Variants in MEGF6 observed in about 807,000 individuals in gnomAD.
MEGF6 encodes the protein multiple EGF like domains 6.
In MEGF6, 184 loss-of-function variants were observed where a neutral mutation model predicts 207.1. That is an observed-to-expected ratio of 0.89 (90% CI 0.79 to 1.00). The LOEUF is 1.00. Among genes scored for constraint, MEGF6 ranks in the 50% least tolerant of loss-of-function variants. The probability of loss-of-function intolerance (pLI) is 0.00; values close to 1 mark genes in which losing one functional copy is unlikely to be tolerated. For synonymous variants in MEGF6, 1,038 were observed against 910.0 expected (o/e 1.14, Z -2.53); for missense variants, 2,282 against 2,202.9 (o/e 1.04, Z -0.72).
intron 4 of MEGF6, among the ~76,000 whole-genome samples, chr1:3,550,961 C>T (rs974687818): frequency 2.6e-5 from 4 of 152,248 alleles, no homozygotes; most frequent in Non-Finnish European, 5.9e-5. Context: ...ATCCGAGGCT[C>T]CAGCCGGCCA....
chr1:3,576,695 C>T (rs1044653775), intron 4 of MEGF6, among the ~76,000 whole-genome samples: 55 of 150,230 alleles, frequency 3.7e-4, no homozygotes, highest in Admixed American at 3.6e-3. Context: ...CAGCCCTGCA[C>T]ACTCAGTCCT....
At chr1:3,511,034 C>A in intron 9 of MEGF6, 132 bp from the exon 10 acceptor site, 1 of 1,295,152 alleles carries the variant, frequency 7.7e-7, no homozygotes, top group Admixed American at 2.4e-5. Context: ...CACAGCCTCA[C>A]GTGTGCACAC....
chr1:3,509,998 G>T lies in MEGF6; in HGVS notation c.1235-6C>A. The T allele has an allele frequency of 6.3e-7, 1 of 1,581,672 alleles. No individual in the cohort carries two copies. Among genetic ancestry groups the T allele is most frequent in the South Asian group, 1.1e-5 (1 of 87,178 alleles). ...GGAGGCGCACTCATCCACATCTGCG[G>T]GCGACCCGGGACCACTGAGGCCTGT... On this transcript the variant is annotated splice_polypyrimidine_tract_variant and splice_region_variant and intron_variant, in intron 10 of 36. Transcript: ENST00000356575.
chr1:3,584,956 G>C (rs1186825056), intron 3 of MEGF6, among the ~76,000 whole-genome samples: 4 of 152,278 alleles, frequency 2.6e-5, no homozygotes, highest in Non-Finnish European at 5.9e-5. Context: ...GCTGAAGAGG[G>C]AACAGAAGGA....
chr1:3,584,820 C>T (rs79583357), intron 3 of MEGF6, among the ~76,000 whole-genome samples: 2,347 of 152,354 alleles, frequency 0.015, 59 homozygotes, highest in South Asian at 0.096. Flanking sequence ...GAGGCATGGG[C>T]GGGTGGTAAG....
chr1:3,581,698 G>A (rs180879013), intron 3 of MEGF6, among the ~76,000 whole-genome samples: 2 of 152,204 alleles, frequency 1.3e-5, no homozygotes, highest in Non-Finnish European at 2.9e-5. Flanking sequence ...TGGGGAGCAG[G>A]TGCCGGCCTG....
intron 3 of MEGF6, among the ~76,000 whole-genome samples, chr1:3,585,377 GTGTCTGGACGCATGT>G (rs1643878375): frequency 6.6e-6 from 1 of 150,454 alleles, no homozygotes; most frequent in South Asian, 2.1e-4. Context: ...CTGTGTGTGG[GTGTCTGGACGCATGT>G]CCTGTGTGTG....
intron 17 of MEGF6, among the ~76,000 whole-genome samples, chr1:3,504,373 A>G (rs1469678669): frequency 6.6e-6 from 1 of 151,640 alleles, no homozygotes; most frequent in Non-Finnish European, 1.5e-5. Context: ...CCGATGACAC[A>G]CTCGGGTATT....
intron 4 of MEGF6, among the ~76,000 whole-genome samples, chr1:3,553,284 T>G (rs1311619442): frequency 6.6e-6 from 1 of 151,040 alleles, no homozygotes; most frequent in African/African-American, 2.4e-5. Context: ...CACCCCAGGG[T>G]ACTCCGGGTA....
At chr1:3,537,462 T>C (rs554975123) in intron 4 of MEGF6, among the ~76,000 whole-genome samples, 11 of 152,160 alleles carry the variant, frequency 7.2e-5, no homozygotes, top group Non-Finnish European at 1.5e-4. Context: ...GGAGCGGCGA[T>C]CACCACCGCC....
At position 3,501,072 on chromosome 1, in the gene MEGF6, A is replaced by C. The variant is rs748703556; in HGVS notation, c.2469T>G (p.Gly823=). Residue 823 remains glycine, a synonymous_variant, in exon 20 of 37, where the codon GGT becomes GGG. Transcript: ENST00000356575. ...CQDVCPAGWY[G]PSCQTRCSCA... is the part of the protein sequence containing the mutation. ...AAGAGCACCTTGTCTGGCAGCTGGGACCATACCAGCCTGCTGGGCACACTA... is the reference window on the plus strand; with the variant it reads ...AAGAGCACCTTGTCTGGCAGCTGGGCCCATACCAGCCTGCTGGGCACACTA... The C allele has an allele frequency of 2.5e-6, 4 of 1,612,732 alleles. No homozygotes were observed. The highest frequency in any genetic ancestry group is 3.4e-6 in the Non-Finnish European group (4 of 1,179,922).
intron 4 of MEGF6, among the ~76,000 whole-genome samples, chr1:3,564,773 C>G (rs141922029): frequency 6.6e-6 from 1 of 152,112 alleles, no homozygotes. Flanking sequence ...CTGCACCAGG[C>G]TCCCCCAAAG....
intron 4 of MEGF6, among the ~76,000 whole-genome samples, chr1:3,559,537 A>AG (rs1378374503): frequency 2.8e-4 from 43 of 151,218 alleles, no homozygotes; most frequent in Non-Finnish European, 5.9e-5. Context: ...AAAAAAAAAA[A>AG]AAAAAAAAAA....
intron 4 of MEGF6, among the ~76,000 whole-genome samples, chr1:3,525,442 G>A (rs1398840487): frequency 6.6e-6 from 1 of 152,270 alleles, no homozygotes; most frequent in African/African-American, 2.4e-5. Context: ...CAAGGGGGCA[G>A]AGCAGCAGTC....
chr1:3,570,375 G>A (rs542636903), intron 4 of MEGF6, among the ~76,000 whole-genome samples: 3 of 152,302 alleles, frequency 2.0e-5, no homozygotes, highest in African/African-American at 7.2e-5. Context: ...AGCGGGACTC[G>A]GGGGATTTCC....
intron 23 of MEGF6, 74 bp downstream of exon 23, chr1:3,499,514 C>T (rs1040213417): frequency 1.3e-6 from 2 of 1,526,848 alleles, no homozygotes; most frequent in Non-Finnish European, 8.8e-7. Flanking sequence ...GGACAGGTGG[C>T]AGGAGGGAGT....
intron 4 of MEGF6, among the ~76,000 whole-genome samples, chr1:3,579,316 C>A (rs1643734145): frequency 6.6e-6 from 1 of 152,252 alleles, no homozygotes; most frequent in Non-Finnish European, 1.5e-5. Flanking sequence ...CCACTCCCTG[C>A]AAGCATCTCC....
chr1:3,548,374 G>A (rs147669393), intron 4 of MEGF6, among the ~76,000 whole-genome samples: 19 of 152,366 alleles, frequency 1.2e-4, no homozygotes, highest in African/African-American at 3.8e-4. Context: ...CCATGAGAAC[G>A]GGCCAAGCGG....
At position 3,511,771 on chromosome 1, in the gene MEGF6, C is replaced by T; in HGVS notation, c.977-84G>A. 9 of 1,542,536 alleles carry T rather than the reference C, an allele frequency of 5.8e-6. No individual in the cohort carries two copies. The South Asian group carries it at 9.8e-5, about 17-fold the overall frequency. On this transcript the variant is annotated intron_variant, in intron 8 of 36. Transcript: ENST00000356575. Reference sequence around the variant, plus strand: ...CTTAGTTACCCCTACCTCCACCCAGCAGCCAGCCTCGGGCCTGGGGACACC... The same window carrying T: ...CTTAGTTACCCCTACCTCCACCCAGTAGCCAGCCTCGGGCCTGGGGACACC...
Sources: allele counts gnomAD v4.1 joint callset (sites outside exome capture counted in the v4.1 genomes callset), GRCh38; gene constraint gnomAD v4.1.1; transcripts MANE v1.5; gene names NCBI Gene and HGNC (gene_info 2026-07-23, HGNC 2026-07-21).